PHACTR1: variants seen among roughly 807,000 people sequenced by gnomAD.
PHACTR1 encodes the protein phosphatase and actin regulator 1.
PHACTR1 carries 16 observed loss-of-function variants against 69.2 expected under a neutral mutation model. The ratio of observed to expected loss-of-function variants is 0.23; its 90% CI spans 0.16 to 0.35. The LOEUF (loss-of-function observed/expected upper bound fraction) is 0.35, where lower values mean the gene tolerates loss of function less well. PHACTR1 is among the 10% of genes least tolerant of loss of function. The pLI, the probability that PHACTR1 is intolerant of heterozygous loss-of-function variation, is 1.00. For missense variants in PHACTR1, 510 were observed against 734.7 expected, an observed-to-expected ratio of 0.69 and a Z score of 3.54; for synonymous variants, 312 against 284.5, an observed-to-expected ratio of 1.10 and a Z score of -0.97.
chr6:12,767,259 G>A (rs372289778), intron 4 of PHACTR1, among the ~76,000 whole-genome samples: 4 of 152,160 alleles, frequency 2.6e-5, no homozygotes, highest in African/African-American at 7.2e-5. Context: ...CAGCTGGCAA[G>A]GTGCATCTGG....
At chr6:12,775,273 C>A (rs905783787) in intron 4 of PHACTR1, among the ~76,000 whole-genome samples, 1 of 152,058 alleles carries the variant, frequency 6.6e-6, no homozygotes, top group Non-Finnish European at 1.5e-5. Flanking sequence ...CTCAAAAATA[C>A]CCCTAATGAA....
At chr6:13,123,429 CT>C (rs1819052113) in intron 5 of PHACTR1, among the ~76,000 whole-genome samples, 1 of 152,188 alleles carries the variant, frequency 6.6e-6, no homozygotes, top group African/African-American at 2.4e-5. Flanking sequence ...CAGCTTGGCC[CT>C]TTCTCTCACC....
chr6:13,282,706 A>C (rs408284), intron 12 of PHACTR1, among the ~76,000 whole-genome samples: 38,239 of 151,916 alleles, frequency 0.25, 8,063 homozygotes, highest in African/African-American at 0.57. Context: ...GCACTGCAAA[A>C]CCCCCTTGCA....
intron 5 of PHACTR1, among the ~76,000 whole-genome samples, chr6:13,096,868 C>T (rs978970703): frequency 2.6e-5 from 4 of 152,212 alleles, no homozygotes; most frequent in African/African-American, 9.6e-5. Flanking sequence ...CTTCTCCCTC[C>T]TGTCGTGCGT....
At chr6:12,933,596 T>C in intron 4 of PHACTR1, 1 of 1,607,770 alleles carries the variant, frequency 6.2e-7, no homozygotes, top group Non-Finnish European at 8.5e-7. Flanking sequence ...TGACCTGGGC[T>C]CACACCTTAA....
At chr6:12,855,952 A>C (rs1291020891) in intron 4 of PHACTR1, among the ~76,000 whole-genome samples, 1 of 152,244 alleles carries the variant, frequency 6.6e-6, no homozygotes, top group African/African-American at 2.4e-5. Flanking sequence ...TGGTTCTTTT[A>C]ATTCCAGAGC....
chr6:13,147,380 C>A (rs892189006), intron 5 of PHACTR1, among the ~76,000 whole-genome samples: 3 of 152,228 alleles, frequency 2.0e-5, no homozygotes, highest in Non-Finnish European at 4.4e-5. Flanking sequence ...GCTATCTTCT[C>A]TCAGTTGCTT....
At chr6:12,847,938 T>C (rs1000930380) in intron 4 of PHACTR1, among the ~76,000 whole-genome samples, 19 of 152,232 alleles carry the variant, frequency 1.2e-4, no homozygotes, top group African/African-American at 4.6e-4. Context: ...AAATATTCAC[T>C]ATTTCCGGTA....
chr6:13,247,326 CGTGTGTGT>C (rs60972913), intron 10 of PHACTR1, among the ~76,000 whole-genome samples: 25 of 139,088 alleles, frequency 1.8e-4, no homozygotes, highest in African/African-American at 4.2e-4. Flanking sequence ...CAAGTTCCCT[CGTGTGTGT>C]GTGTGTGTGT....
At position 13,205,971 on chromosome 6, in the gene PHACTR1, A is replaced by G; in HGVS notation, c.821A>G (p.His274Arg). The G allele has an allele frequency of 1.2e-6, 2 of 1,613,972 alleles. No individual in the cohort carries two copies. The highest frequency in any genetic ancestry group is 2.2e-5 in the South Asian group (2 of 91,080). ...QKSGQQGVAQHHHTVLPSQIQ... is the reference protein window; with the variant it reads ...QKSGQQGVAQRHHTVLPSQIQ... ...AGTGGCCAGCAGGGTGTGGCCCAGCACCACCACACTGTCCTGCCCTCCCAG... is the reference window on the plus strand; with the variant it reads ...AGTGGCCAGCAGGGTGTGGCCCAGCGCCACCACACTGTCCTGCCCTCCCAG... The change falls in exon 8 of 15, where the codon CAC (histidine) becomes CGC (arginine). Residue 274 changes from histidine to arginine, a missense_variant. Around this residue, in one of 2 missense-constraint regions of PHACTR1, gnomAD observed 419 missense variants for 530.9 expected, o/e 0.79. Transcript: ENST00000332995.
intron 7 of PHACTR1, among the ~76,000 whole-genome samples, chr6:13,190,196 G>GTTTTTTTTTTTTT (rs1220683843): frequency 4.7e-4 from 15 of 31,836 alleles, no homozygotes; most frequent in African/African-American, 6.3e-4. Flanking sequence ...GCTAATTTTT[G>GTTTTTTTTTTTTT]TATTTTTTTT....
At position 13,287,247 on chromosome 6, in the gene PHACTR1, C is replaced by T. The variant is rs563975750; in HGVS notation, c.*169C>T. 38 of 737,880 alleles carry T rather than the reference C, an allele frequency of 5.1e-5. No individual in the cohort carries two copies. Among genetic ancestry groups the T allele is most frequent in the Admixed American group, 8.9e-5 (3 of 33,586 alleles). The allele number at this position is 737,880 out of a possible 1,614,324, so 45.7% of individuals were successfully genotyped here. A position where few individuals can be genotyped will look rare whatever the true frequency, so the allele number is the denominator to read the frequency against. ...ACAATCAGGATTTTATGTGTGAAAA[C>T]GCAAAAGTGATGGCTCGGCGGTCCG... On this transcript the variant is annotated 3_prime_UTR_variant, in exon 15 of 15. Coordinates refer to ENST00000332995, the MANE Select transcript of PHACTR1 (RefSeq NM_030948.6).
intron 5 of PHACTR1, among the ~76,000 whole-genome samples, chr6:13,134,245 G>A (rs560710171): frequency 7.0e-6 from 1 of 143,224 alleles, no homozygotes; most frequent in Non-Finnish European, 1.5e-5. Flanking sequence ...CTGTCCGGGA[G>A]GGAGGTGGGG....
chr6:12,997,124 G>A (rs1007838733), intron 4 of PHACTR1, among the ~76,000 whole-genome samples: 1 of 151,598 alleles, frequency 6.6e-6, no homozygotes, highest in Non-Finnish European at 1.5e-5. Flanking sequence ...GAGATCACCC[G>A]CCATTGCACT....
intron 5 of PHACTR1, among the ~76,000 whole-genome samples, chr6:13,141,723 T>C (rs1822483178): frequency 9.6e-6 from 1 of 104,622 alleles, no homozygotes; most frequent in African/African-American, 3.2e-5. Flanking sequence ...ATTTCTTCTT[T>C]CTTTTTTTTT....
chr6:13,250,788 T>C lies in PHACTR1; in HGVS notation c.1391+20595T>C, dbSNP rs542232521. Among the ~76,000 whole-genome samples, 4 of 152,182 alleles carry C rather than the reference T, an allele frequency of 2.6e-5. No homozygotes were observed. The South Asian group carries it at 8.3e-4, about 32-fold the overall frequency. On this transcript the variant is annotated intron_variant, in intron 10 of 14. Transcript: ENST00000332995. ...AGCCAGATACTAAAACATGACTCCT[T>C]GGGCGCAAGACAGGTCTGGGCGCAA... is the stretch of plus-strand genomic sequence containing the variant.
At chr6:13,160,493 T>C (rs1006692465) in intron 6 of PHACTR1, among the ~76,000 whole-genome samples, 1 of 152,182 alleles carries the variant, frequency 6.6e-6, no homozygotes, top group Non-Finnish European at 1.5e-5. Context: ...TAAAACTCCC[T>C]TTTCTGAGCA....
At chr6:12,795,092 A>G (rs1772806032) in intron 4 of PHACTR1, among the ~76,000 whole-genome samples, 1 of 152,176 alleles carries the variant, frequency 6.6e-6, no homozygotes. Flanking sequence ...GGGTGGAGCC[A>G]GGGGTTCTAT....
At position 13,062,510 on chromosome 6, in the gene PHACTR1, G is replaced by A. The variant is rs1179892428; in HGVS notation, c.415+8981G>A. Among the ~76,000 whole-genome samples the A allele has an allele frequency of 3.9e-5, 6 of 152,184 alleles. No individual in the cohort carries two copies. In the East Asian group the frequency reaches 1.2e-3, roughly 29 times the overall value. On this transcript the variant is annotated intron_variant, in intron 5 of 14. Transcript: ENST00000332995. ...ACTTCCATGGAAGCCCATGTTTCTA[G>A]AATTATTCTTCTTTAAATAAAACTC...
Sources: allele counts gnomAD v4.1 joint callset (sites outside exome capture counted in the v4.1 genomes callset), GRCh38; gene constraint gnomAD v4.1.1; regional missense constraint gnomAD v4.1.1; transcripts MANE v1.5; gene names NCBI Gene and HGNC (gene_info 2026-07-23, HGNC 2026-07-21).